EVL: variants seen among roughly 807,000 people sequenced by gnomAD.
EVL encodes the protein ena/VASP-like protein.
In EVL, 21 loss-of-function variants were observed where a neutral mutation model predicts 59.6. The ratio of observed to expected loss-of-function variants is 0.35; its 90% CI spans 0.25 to 0.51. The LOEUF (loss-of-function observed/expected upper bound fraction) is 0.51. Ranked by LOEUF, EVL falls within the 20% of genes least tolerant of loss-of-function variation. The pLI is 0.97. For missense variants in EVL, 462 were observed against 546.6 expected (o/e 0.85, Z 1.54); for synonymous variants, 198 against 203.5 (o/e 0.97, Z 0.23).
chr14:100,056,580 G>T (rs2061737182), intron 1 of EVL, among the ~76,000 whole-genome samples: 1 of 152,094 alleles, frequency 6.6e-6, no homozygotes, highest in Non-Finnish European at 1.5e-5. Context: ...ATTTCTCAGA[G>T]ATGTTATAAT....
At chr14:100,047,297 A>G (rs914074474) in intron 1 of EVL, among the ~76,000 whole-genome samples, 4 of 151,842 alleles carry the variant, frequency 2.6e-5, no homozygotes, top group Non-Finnish European at 5.9e-5. Flanking sequence ...CTAGATGGCC[A>G]ATGGCAAACC....
intron 1 of EVL, among the ~76,000 whole-genome samples, chr14:100,060,226 C>T (rs894034045): frequency 3.3e-5 from 5 of 151,350 alleles, no homozygotes; most frequent in Admixed American, 1.3e-4. Flanking sequence ...GTCAGGAGAT[C>T]GAGACCATCC....
At chr14:100,063,304 C>T (rs796378223), upstream of EVL, among the ~76,000 whole-genome samples, 18 of 152,266 alleles carry the variant, frequency 1.2e-4, no homozygotes, top group African/African-American at 4.1e-4. Flanking sequence ...AGCACTGCTG[C>T]GTGCTTTGAA....
At chr14:100,035,433 A>G (rs1033000273) in intron 1 of EVL, among the ~76,000 whole-genome samples, 2 of 145,202 alleles carry the variant, frequency 1.4e-5, no homozygotes, top group South Asian at 4.3e-4. Flanking sequence ...GTACCACCCT[A>G]TTGATGTAGT....
chr14:100,084,283 G>A (rs2062385226), intron 1 of EVL, among the ~76,000 whole-genome samples: 1 of 151,878 alleles, frequency 6.6e-6, no homozygotes, highest in South Asian at 2.1e-4. Context: ...GACCTCAAGT[G>A]GACCACCAGC....
At chr14:100,005,630 TACACAC>T (rs35844160) in intron 1 of EVL, among the ~76,000 whole-genome samples, 2,505 of 143,702 alleles carry the variant, frequency 0.017, 57 homozygotes, top group African/African-American at 0.055. Context: ...GCCTTTTAAA[TACACAC>T]ACACACACAC....
chr14:100,085,375 G>A (rs1445278521), intron 2 of EVL, among the ~76,000 whole-genome samples: 1 of 152,162 alleles, frequency 6.6e-6, no homozygotes, highest in Non-Finnish European at 1.5e-5. Context: ...GAACAATCAT[G>A]TCCACCTGTG....
At chr14:100,083,545 G>T (rs2062360776) in intron 1 of EVL, among the ~76,000 whole-genome samples, 1 of 152,194 alleles carries the variant, frequency 6.6e-6, no homozygotes, top group African/African-American at 2.4e-5. Flanking sequence ...TGAAGAGCCA[G>T]TGGGCTCCGA....
intron 1 of EVL, among the ~76,000 whole-genome samples, chr14:100,013,089 C>A (rs2061026985): frequency 6.6e-6 from 1 of 152,182 alleles, no homozygotes; most frequent in Non-Finnish European, 1.5e-5. Flanking sequence ...ACCTTCTAGC[C>A]ATTCTAGTTC....
intron 1 of EVL, among the ~76,000 whole-genome samples, chr14:100,004,900 T>G (rs189445639): frequency 1.3e-4 from 19 of 151,518 alleles, no homozygotes; most frequent in Admixed American, 6.6e-5. Flanking sequence ...ATATTTTTAT[T>G]GGAATATACC....
At chr14:100,008,441 T>C (rs539568168) in intron 1 of EVL, among the ~76,000 whole-genome samples, 85 of 152,310 alleles carry the variant, frequency 5.6e-4, no homozygotes, top group Non-Finnish European at 1.0e-3. Context: ...TTTTCTTAGG[T>C]CACTTACCAT....
Position 100,143,999 on chromosome 14 carries a change from T to C in EVL, c.*261T>C, listed in dbSNP as rs893259187. The C allele has an allele frequency of 7.6e-6, 4 of 525,008 alleles. No homozygotes were observed. The highest frequency in any genetic ancestry group is 5.3e-5 in the South Asian group (2 of 37,630). The allele number at this position is 525,008 out of a possible 1,614,324, so 32.5% of individuals were successfully genotyped here. A position where few individuals can be genotyped will look rare whatever the true frequency, so the allele number is the denominator to read the frequency against. ...TATATTTGCTTATTTAAGGTACATT[T>C]CTTTGGGTTTCTAGAGACGCCCCTA... On this transcript the variant is annotated 3_prime_UTR_variant, in exon 14 of 14. Transcript: ENST00000392920.
At chr14:100,003,358 T>A (rs1392886817) in intron 1 of EVL, among the ~76,000 whole-genome samples, 1 of 152,216 alleles carries the variant, frequency 6.6e-6, no homozygotes, top group Admixed American at 6.5e-5. Context: ...CACAAGGACT[T>A]TAAAAGCACA....
chr14:100,016,473 G>A (rs2061051216), intron 1 of EVL, among the ~76,000 whole-genome samples: 1 of 152,230 alleles, frequency 6.6e-6, no homozygotes, highest in Admixed American at 6.5e-5. Context: ...AGGTTGCAGT[G>A]AGCTGAGATT....
intron 1 of EVL, among the ~76,000 whole-genome samples, chr14:100,047,116 C>CTT (rs1158933445): frequency 7.0e-5 from 2 of 28,420 alleles, no homozygotes; most frequent in African/African-American, 1.8e-4. Flanking sequence ...AGATCTCTCT[C>CTT]TCTTTTTTTT....
intron 1 of EVL, among the ~76,000 whole-genome samples, chr14:100,047,494 ACT>A (rs141554177): frequency 0.01 from 1,585 of 151,012 alleles, 21 homozygotes; most frequent in African/African-American, 0.036. Flanking sequence ...CAGAGCTCAC[ACT>A]CTCTTTCCAT....
intron 1 of EVL, among the ~76,000 whole-genome samples, chr14:100,026,613 G>C (rs568320334): frequency 6.6e-6 from 1 of 152,214 alleles, no homozygotes; most frequent in South Asian, 2.1e-4. Context: ...CCTCCTCCCA[G>C]TTCCCACGGC....
rs553220189 is a variant in EVL at position 100,008,922 on chromosome 14, G to GA, written c.5+36871dup. Among the ~76,000 whole-genome samples the GA allele has an allele frequency of 3.6e-3, 545 of 152,164 alleles. 4 individuals are homozygous for GA. Among genetic ancestry groups the GA allele is most frequent in the African/African-American group, 0.012 (504 of 41,518 alleles). On this transcript the variant is annotated intron_variant, in intron 1 of 13. Transcript: ENST00000402714. ...AGAAGCAGTGCTATTTTAGATGAGG[G>GA]AAAAAACACTGCTTTTTACATCTTA...
chr14:100,123,293 T>G (rs1179370828), intron 3 of EVL, among the ~76,000 whole-genome samples: 2 of 152,204 alleles, frequency 1.3e-5, no homozygotes, highest in Non-Finnish European at 2.9e-5. Flanking sequence ...GGGTTAATTT[T>G]TAACCATGTG....
Sources: allele counts gnomAD v4.1 joint callset (sites outside exome capture counted in the v4.1 genomes callset), GRCh38; gene constraint gnomAD v4.1.1; transcripts MANE v1.5; gene names NCBI Gene and HGNC (gene_info 2026-07-23, HGNC 2026-07-21).